The following SCML4 variants were observed in gnomAD, a reference collection of about 807,000 sequenced individuals.
SCML4 encodes sex comb on midleg-like protein 4.
A neutral mutation model predicts 41.1 loss-of-function variants in SCML4; 34 were observed. The observed-to-expected ratio is 0.83, with a 90% CI of 0.63 to 1.10. The LOEUF is 1.10. Among genes scored for constraint, SCML4 ranks in the 50% least tolerant of loss-of-function variants. The pLI, the probability that SCML4 is intolerant of heterozygous loss-of-function variation, is 0.00. For missense variants in SCML4, 522 were observed against 534.1 expected (o/e 0.98, Z 0.22); for synonymous variants, 214 against 220.9 (o/e 0.97, Z 0.28).
chr6:107,761,749 G>A (rs9400142), intron 2 of SCML4, among the ~76,000 whole-genome samples: 23,482 of 151,520 alleles, frequency 0.15, 2,020 homozygotes, highest in Middle Eastern at 0.21. Context: ...ATATAATATC[G>A]TCTATGTGCT....
chr6:107,739,890 G>T (rs532936462), intron 5 of SCML4, among the ~76,000 whole-genome samples: 124 of 152,302 alleles, frequency 8.1e-4, no homozygotes, highest in African/African-American at 2.8e-3. Flanking sequence ...TGAGGGTACT[G>T]CTCAGAGCTT....
At chr6:107,831,688 G>A in the SCML4 span, among the ~76,000 whole-genome samples, 1 of 152,212 alleles carries the variant, frequency 6.6e-6, no homozygotes, top group African/African-American at 2.4e-5. Flanking sequence ...GGAGGCCAAA[G>A]CGGGCAGATT....
chr6:107,733,174 C>T (rs1327995491), intron 5 of SCML4, among the ~76,000 whole-genome samples: 1 of 152,246 alleles, frequency 6.6e-6, no homozygotes, highest in African/African-American at 2.4e-5. Context: ...CCCTGACCCA[C>T]AGAAGCTGTG....
the SCML4 span, among the ~76,000 whole-genome samples, chr6:107,834,463 C>T: frequency 3.2e-4 from 48 of 152,266 alleles, no homozygotes; most frequent in Middle Eastern, 3.4e-3. Context: ...GATGAGACCT[C>T]GGAAAACTCT....
chr6:107,705,947 T>G (rs1773575948), intron 7 of SCML4, among the ~76,000 whole-genome samples: 1 of 152,198 alleles, frequency 6.6e-6, no homozygotes, highest in Non-Finnish European at 1.5e-5. Context: ...CATTGGTCAT[T>G]GAAAATGGTC....
At chr6:107,783,700 G>A (rs1339727451) in intron 1 of SCML4, among the ~76,000 whole-genome samples, 6 of 150,194 alleles carry the variant, frequency 4.0e-5, no homozygotes, top group Non-Finnish European at 8.9e-5. Context: ...TTACCTGATG[G>A]CAGGTGCTGG....
intron 1 of SCML4, among the ~76,000 whole-genome samples, chr6:107,775,633 A>T (rs1003847655): frequency 3.3e-5 from 5 of 152,254 alleles, no homozygotes; most frequent in African/African-American, 1.2e-4. Context: ...AGATTTGAAT[A>T]AATAAGATTA....
intron 1 of SCML4, among the ~76,000 whole-genome samples, chr6:107,778,467 A>G (rs1475016230): frequency 6.6e-6 from 1 of 151,794 alleles, no homozygotes; most frequent in African/African-American, 2.4e-5. Flanking sequence ...TCCAAGTTAT[A>G]ACCTTTAAAC....
chr6:107,827,755 T>C (rs937592363), upstream of SCML4, among the ~76,000 whole-genome samples: 52 of 152,304 alleles, frequency 3.4e-4, 1 homozygote, highest in African/African-American at 1.0e-3. Flanking sequence ...ACTGGGCTGG[T>C]GGTTAGCAGG....
At position 107,754,526 on chromosome 6, in the gene SCML4, C is replaced by T. The variant is rs117500619; in HGVS notation, c.157-4713G>A. On this transcript the variant is annotated intron_variant, in intron 2 of 7. Transcript: ENST00000369020. ...TGGAGAGGCTGGTGGTGACAGAGTC[C>T]CTGAGGACTTCAGGCAGTGACTTCT... Among the ~76,000 whole-genome samples the T allele has an allele frequency of 4.3e-3, 648 of 152,258 alleles. 8 individuals are homozygous for T. In the East Asian group the frequency reaches 0.063, roughly 15 times the overall value.
the SCML4 span, among the ~76,000 whole-genome samples, chr6:107,845,723 T>A: frequency 1.3e-5 from 2 of 152,198 alleles, no homozygotes; most frequent in Non-Finnish European, 2.9e-5. Flanking sequence ...CAGGGTTACA[T>A]TAGGGTTTTA....
At position 107,765,048 on chromosome 6, in the gene SCML4, T is replaced by G. The variant is rs564556763; in HGVS notation, c.156+7124A>C. ...CTTTATCAGCAGGGTGAAAACAGACTAATACACTATCCTTAAATAAAGTAG... is the reference window on the plus strand; with the variant it reads ...CTTTATCAGCAGGGTGAAAACAGACGAATACACTATCCTTAAATAAAGTAG... On this transcript the variant is annotated intron_variant, in intron 2 of 7. Transcript: ENST00000369020. 1.1e-4 allele frequency among the ~76,000 whole-genome samples: 17 copies of G among 152,330 alleles called. No homozygotes were observed. The South Asian group carries it at 3.5e-3, about 32-fold the overall frequency.
chr6:107,808,732 CAT>C (rs1284127166), intron 1 of SCML4, among the ~76,000 whole-genome samples: 1 of 152,088 alleles, frequency 6.6e-6, no homozygotes, highest in African/African-American at 2.4e-5. Context: ...TCTATTTTTG[CAT>C]ATGTTTTATA....
rs772382808 is a variant in SCML4 at position 107,745,157 on chromosome 6, G to A, written c.488-14C>T. On this transcript the variant is annotated splice_polypyrimidine_tract_variant and intron_variant, in intron 4 of 7. Coordinates refer to ENST00000369020, the MANE Select transcript of SCML4 (RefSeq NM_198081.5). ...AGGAAGCCGAGACTGGAAAACCAGA[G>A]AGATGTCAGCTTAGAGCCGGGCACT... is the stretch of plus-strand genomic sequence containing the variant. The A allele has an allele frequency of 6.5e-7, 1 of 1,549,530 alleles. No homozygotes were observed. Among genetic ancestry groups the A allele is most frequent in the Admixed American group, 2.0e-5 (1 of 51,060 alleles).
chr6:107,761,283 C>G (rs1022137700), intron 2 of SCML4, among the ~76,000 whole-genome samples: 13 of 152,014 alleles, frequency 8.6e-5, no homozygotes, highest in Admixed American at 6.5e-5. Flanking sequence ...TAAATCCACA[C>G]GTCAACACAA....
At chr6:107,706,212 G>T (rs1221062220) in intron 7 of SCML4, among the ~76,000 whole-genome samples, 3 of 152,150 alleles carry the variant, frequency 2.0e-5, no homozygotes, top group Non-Finnish European at 4.4e-5. Context: ...ATGGCAGTGG[G>T]CAAGGCTTAC....
At chr6:107,729,126 A>T (rs1583427578) in intron 5 of SCML4, among the ~76,000 whole-genome samples, 1 of 152,302 alleles carries the variant, frequency 6.6e-6, no homozygotes, top group African/African-American at 2.4e-5. Context: ...AGGGAACCAC[A>T]TGGGTATATT....
intron 5 of SCML4, chr6:107,744,149 A>G (rs974323951): frequency 1.3e-5 from 2 of 152,220 alleles, no homozygotes; most frequent in Non-Finnish European, 1.5e-5. Flanking sequence ...AGAGAAAGAA[A>G]AAAAGCAACA....
chr6:107,839,387 AAGAAAGAAAGAAAGAAAGAAAG>A, the SCML4 span, among the ~76,000 whole-genome samples: 1,021 of 147,502 alleles, frequency 6.9e-3, 16 homozygotes, highest in African/African-American at 0.025. Flanking sequence ...GAAAGAAAGA[AAGAAAGAAAGAAAGAAAGAAAG>A]AGGAAGAAGA....
Sources: gnomAD v4.1 joint callset for allele counts (sites outside exome capture counted in the v4.1 genomes callset) on GRCh38, gnomAD v4.1.1 for gene constraint, MANE v1.5 for transcripts, NCBI Gene and HGNC (gene_info 2026-07-23, HGNC 2026-07-21) for gene names.